The following MAP1B variants were observed in gnomAD, a reference collection of about 807,000 sequenced individuals.
The protein encoded by MAP1B is microtubule associated protein 1B, also known as microtubule-associated protein 1B.
MAP1B carries 12 observed loss-of-function variants against 176.1 expected under a neutral mutation model. That is an observed-to-expected ratio of 0.07 (90% CI 0.04 to 0.11). The LOEUF (loss-of-function observed/expected upper bound fraction) is 0.11. Ranked by LOEUF, MAP1B falls within the 10% of genes least tolerant of loss-of-function variation. The pLI is 1.00. For missense variants in MAP1B, 2,523 were observed against 2,990.5 expected, an observed-to-expected ratio of 0.84 and a Z score of 3.65; for synonymous variants, 1,044 against 1,135.0, an observed-to-expected ratio of 0.92 and a Z score of 1.61.
At chr5:72,145,459 G>A (rs1202576562) in intron 2 of MAP1B, among the ~76,000 whole-genome samples, 1 of 152,076 alleles carries the variant, frequency 6.6e-6, no homozygotes, top group Non-Finnish European at 1.5e-5. Context: ...TTGATGGATG[G>A]TGGTCTTAAA....
intron 2 of MAP1B, among the ~76,000 whole-genome samples, chr5:72,136,217 A>G (rs1221619044): frequency 6.6e-6 from 1 of 152,130 alleles, no homozygotes; most frequent in African/African-American, 2.4e-5. Flanking sequence ...CCTATGGAAT[A>G]TTGCCCTCAT....
At chr5:72,178,064 A>T (rs1346720721) in intron 2 of MAP1B, among the ~76,000 whole-genome samples, 1 of 152,034 alleles carries the variant, frequency 6.6e-6, no homozygotes, top group Non-Finnish European at 1.5e-5. Flanking sequence ...GTGCAATGGC[A>T]TGATCTCAGC....
chr5:72,191,896 G>A (rs376916550), intron 4 of MAP1B, among the ~76,000 whole-genome samples: 12 of 152,218 alleles, frequency 7.9e-5, no homozygotes, highest in African/African-American at 2.2e-4. Context: ...GTGAAAAGAC[G>A]GAAAGTAGGA....
At chr5:72,138,154 T>C (rs1579990698) in intron 2 of MAP1B, among the ~76,000 whole-genome samples, 1 of 152,178 alleles carries the variant, frequency 6.6e-6, no homozygotes, top group African/African-American at 2.4e-5. Context: ...AATAAATAAG[T>C]AAAACTTTAA....
chr5:72,193,201 G>A (rs1747064923), intron 4 of MAP1B: 5 of 348,828 alleles, frequency 1.4e-5, no homozygotes, highest in South Asian at 8.9e-5. Context: ...GTAATTTTTT[G>A]TAGTAATAGG....
chr5:72,185,436 A>T (rs1276009591), intron 3 of MAP1B, among the ~76,000 whole-genome samples: 1 of 152,156 alleles, frequency 6.6e-6, no homozygotes, highest in East Asian at 1.9e-4. Context: ...TCTACCAAAA[A>T]TACAAAAAAT....
intron 2 of MAP1B, among the ~76,000 whole-genome samples, chr5:72,127,203 A>G (rs1239816485): frequency 6.6e-6 from 1 of 152,242 alleles, no homozygotes; most frequent in Non-Finnish European, 1.5e-5. Context: ...AGCATGGTCA[A>G]CTGTGCATAT....
Position 72,194,409 on chromosome 5 carries a change from C to G in MAP1B, c.1054C>G (p.Pro352Ala), listed in dbSNP as rs1450169582. Reference protein sequence around the residue: ...NSDWMKNLISPDLGVVFLNVP... With the variant: ...NSDWMKNLISADLGVVFLNVP... ...TGACTGGATGAAAAACCTCATCTCC[C>G]CTGACTTAGGAGTTGTATTTCTCAA... is the stretch of plus-strand genomic sequence containing the variant. The change falls in exon 5 of 7, where the codon CCT becomes GCT. Residue 352 changes from proline to alanine, a missense_variant. This residue lies in a region of MAP1B where 307 missense variants were observed against 438.4 expected (regional missense o/e 0.70). Coordinates refer to ENST00000296755, the MANE Select transcript of MAP1B (RefSeq NM_005909.5). This position sits in a 1 kb window ranked among gnomAD's most constrained non-coding sequence, Gnocchi z 7.2. 1 of 1,614,112 alleles carries G rather than the reference C, an allele frequency of 6.2e-7. No homozygotes were observed. The highest frequency in any genetic ancestry group is 1.1e-5 in the South Asian group (1 of 91,072).
At chr5:72,153,889 T>C (rs1346799386) in intron 2 of MAP1B, among the ~76,000 whole-genome samples, 2 of 152,060 alleles carry the variant, frequency 1.3e-5, no homozygotes, top group Non-Finnish European at 1.5e-5. Context: ...ACTGTTACTT[T>C]TAGGATGTTC....
In MAP1B at chr5:72,208,488, C is replaced by T. The variant is rs1287099391; in HGVS notation, c.*3249C>T. On this transcript the variant is annotated 3_prime_UTR_variant, in exon 7 of 7. Coordinates refer to ENST00000296755, the MANE Select transcript of MAP1B (RefSeq NM_005909.5). ...TTTCAATTTTAACCAATTCTGTCCC[C>T]TTTCTCAAAACCCTGAGCCCTGTGC... 6.6e-6 allele frequency: 1 copy of T among 152,188 alleles called. No individual in the cohort carries two copies. The highest frequency in any genetic ancestry group is 2.4e-5 in the African/African-American group (1 of 41,456). 9.4% of individuals were successfully genotyped at this position (152,188 alleles called of 1,614,324 possible).
At position 72,196,233 on chromosome 5, in the gene MAP1B, G is replaced by A. The variant is rs1218578993; in HGVS notation, c.2878G>A (p.Glu960Lys). Residue 960 changes from glutamate (E) to lysine (K), a missense_variant, in exon 5 of 7, where the codon GAA (glutamate) becomes AAA (lysine). Coordinates refer to ENST00000296755, the MANE Select transcript of MAP1B (RefSeq NM_005909.5). This position sits in a 1 kb window ranked among gnomAD's most constrained non-coding sequence, Gnocchi z 5.3. ...EAEEPEEDGE[E>K]HVCVSASKHS... ...TGAGGAGCCAGAAGAGGATGGGGAG[G>A]AACACGTATGTGTGAGCGCCTCCAA... 6.2e-7 allele frequency: 1 copy of A among 1,613,760 alleles called. No individual in the cohort carries two copies. Among genetic ancestry groups the A allele is most frequent in the Non-Finnish European group, 8.5e-7 (1 of 1,180,028 alleles).
Position 72,197,317 on chromosome 5 carries a change from T to A in MAP1B, c.3962T>A (p.Val1321Glu), listed in dbSNP as rs749890869. The A allele has an allele frequency of 6.2e-7, 1 of 1,614,190 alleles. No individual in the cohort carries two copies. The highest frequency in any genetic ancestry group is 1.1e-5 in the South Asian group (1 of 91,084). ...ASPEDKTLEV[V>E]SPSQSVTGSA... ...CCTGAGGACAAGACTCTGGAAGTGG[T>A]GTCACCATCTCAGTCCGTGACTGGC... Residue 1321 changes from valine (V) to glutamate (E), a missense_variant, in exon 5 of 7, where the codon GTG becomes GAG. Physicochemically the swap from Val to Glu is moderately radical, Grantham distance 121. Transcript: ENST00000296755.
chr5:72,185,594 C>T (rs956908874), intron 3 of MAP1B, among the ~76,000 whole-genome samples: 1 of 130,630 alleles, frequency 7.7e-6, no homozygotes, highest in Non-Finnish European at 1.6e-5. Context: ...GAGTGAGACC[C>T]TGTCTCAAAA....
chr5:72,125,470 T>C (rs966776346), intron 2 of MAP1B, among the ~76,000 whole-genome samples: 1 of 152,188 alleles, frequency 6.6e-6, no homozygotes, highest in Non-Finnish European at 1.5e-5. Flanking sequence ...AATCTGTCAT[T>C]AAATATTTAT....
At chr5:72,117,602 C>G (rs547380780) in intron 2 of MAP1B, among the ~76,000 whole-genome samples, 2 of 152,332 alleles carry the variant, frequency 1.3e-5, no homozygotes, top group African/African-American at 4.8e-5. Context: ...CAAACTGTCA[C>G]TTTAGCCTAA....
intron 2 of MAP1B, among the ~76,000 whole-genome samples, chr5:72,158,308 T>C (rs1207075145): frequency 6.6e-6 from 1 of 152,068 alleles, no homozygotes; most frequent in East Asian, 1.9e-4. Context: ...GTGCCTGGCC[T>C]ATCCCCCGAT....
chr5:72,165,977 C>T (rs1436774169), intron 2 of MAP1B, among the ~76,000 whole-genome samples: 1 of 152,148 alleles, frequency 6.6e-6, no homozygotes, highest in African/African-American at 2.4e-5. Context: ...GTTCTACCCT[C>T]ACAACAACTC....
At chr5:72,176,035 C>T (rs1746647250) in intron 2 of MAP1B, among the ~76,000 whole-genome samples, 1 of 152,156 alleles carries the variant, frequency 6.6e-6, no homozygotes, top group African/African-American at 2.4e-5. Context: ...AGAGATGAAA[C>T]AGATACATAA....
chr5:72,124,314 C>G (rs566007474), intron 2 of MAP1B, among the ~76,000 whole-genome samples: 1 of 152,148 alleles, frequency 6.6e-6, no homozygotes, highest in East Asian at 1.9e-4. Flanking sequence ...ACTTAGTGCA[C>G]CACAGGGACT....
Sources: allele counts gnomAD v4.1 joint callset (sites outside exome capture counted in the v4.1 genomes callset), GRCh38; gene constraint gnomAD v4.1.1; regional missense constraint gnomAD v4.1.1; non-coding constraint Gnocchi (gnomAD v3.1); transcripts MANE v1.5; gene names NCBI Gene and HGNC (gene_info 2026-07-23, HGNC 2026-07-21).